The following ATOSA variants were observed in gnomAD, a reference collection of about 807,000 sequenced individuals.
ATOSA encodes the protein atos homolog A.
the ATOSA span, among the ~76,000 whole-genome samples, chr15:52,679,961 T>C: frequency 6.6e-6 from 1 of 151,084 alleles, no homozygotes; most frequent in African/African-American, 2.4e-5. Flanking sequence ...AGTGGGAGAA[T>C]TTAAGAACAG....
the ATOSA span, among the ~76,000 whole-genome samples, chr15:52,697,262 A>G: frequency 6.6e-6 from 1 of 152,136 alleles, no homozygotes; most frequent in Non-Finnish European, 1.5e-5. Flanking sequence ...CTCTTGCTTC[A>G]TCTTCAAAGA....
the ATOSA span, among the ~76,000 whole-genome samples, chr15:52,594,588 C>A: frequency 6.6e-6 from 1 of 152,182 alleles, no homozygotes; most frequent in Non-Finnish European, 1.5e-5. Context: ...CAATTCTAAT[C>A]TCCTGATCAA....
At chr15:52,605,282 T>C in the ATOSA span, 16 of 1,367,576 alleles carry the variant, frequency 1.2e-5, no homozygotes. Flanking sequence ...ATTGTAATAT[T>C]TAAATACCAT....
chr15:52,676,440 C>T, the ATOSA span, among the ~76,000 whole-genome samples: 3 of 151,834 alleles, frequency 2.0e-5, no homozygotes, highest in South Asian at 2.1e-4. Context: ...AGGGTAAGTA[C>T]GTTTGTGAAA....
the ATOSA span, chr15:52,593,343 T>C: frequency 2.3e-6 from 1 of 433,302 alleles, no homozygotes; most frequent in Non-Finnish European, 4.2e-6. Context: ...ATTTTTATCA[T>C]TTTTTCAAGA....
the ATOSA span, among the ~76,000 whole-genome samples, chr15:52,649,066 T>C: frequency 3.9e-5 from 6 of 152,180 alleles, no homozygotes; most frequent in African/African-American, 1.4e-4. Flanking sequence ...CTTAGGTCTT[T>C]GAATTTTTGA....
the ATOSA span, chr15:52,611,362 T>C: frequency 7.1e-7 from 1 of 1,405,910 alleles, no homozygotes; most frequent in Non-Finnish European, 9.6e-7. Context: ...GATTTGTGCT[T>C]TGAAGAGCAT....
chr15:52,593,787 A>AT, the ATOSA span: 120 of 1,482,842 alleles, frequency 8.1e-5, no homozygotes, highest in Admixed American at 1.1e-3. Context: ...TAACACATTC[A>AT]TTTTTTTTCT....
chr15:52,697,299 C>A, the ATOSA span, among the ~76,000 whole-genome samples: 4 of 152,038 alleles, frequency 2.6e-5, no homozygotes, highest in Non-Finnish European at 4.4e-5. Flanking sequence ...ACTGCCTTCT[C>A]AGGCCAAATG....
At chr15:52,610,957 T>C in the ATOSA span, among the ~76,000 whole-genome samples, 4 of 152,312 alleles carry the variant, frequency 2.6e-5, no homozygotes, top group South Asian at 6.2e-4. Context: ...ACAAACAAAA[T>C]TCATATTGAG....
the ATOSA span, among the ~76,000 whole-genome samples, chr15:52,661,057 C>T: frequency 1.9e-4 from 29 of 152,222 alleles, no homozygotes; most frequent in South Asian, 6.2e-4. Flanking sequence ...CACATTGAAA[C>T]TAAAGAAAAA....
chr15:52,701,375 G>A, the ATOSA span, among the ~76,000 whole-genome samples: 5 of 152,094 alleles, frequency 3.3e-5, no homozygotes, highest in Admixed American at 1.3e-4. Context: ...GGAGTTTGAG[G>A]TTGCAATGAG....
At chr15:52,601,114 G>C in the ATOSA span, 4 of 1,540,804 alleles carry the variant, frequency 2.6e-6, no homozygotes, top group South Asian at 3.7e-5. Flanking sequence ...TTCAGATGTA[G>C]TAATGAAGAA....
chr15:52,674,394 T>A, the ATOSA span, among the ~76,000 whole-genome samples: 1,122 of 152,196 alleles, frequency 7.4e-3, 15 homozygotes, highest in African/African-American at 0.025. Context: ...AGGTATTCAA[T>A]ATACACACAG....
At chr15:52,608,912 T>C in the ATOSA span, 5,252 of 1,607,634 alleles carry the variant, frequency 3.3e-3, 154 homozygotes, top group African/African-American at 0.063. Flanking sequence ...CCAAAGAATT[T>C]TGGATTATAG....
the ATOSA span, among the ~76,000 whole-genome samples, chr15:52,595,544 GAA>G: frequency 2.5e-5 from 3 of 119,086 alleles, no homozygotes; most frequent in Admixed American, 8.4e-5. Flanking sequence ...AGTATGACAA[GAA>G]AAAAAAAAAA....
chr15:52,658,963 C>G, the ATOSA span, among the ~76,000 whole-genome samples: 2 of 151,874 alleles, frequency 1.3e-5, no homozygotes. Flanking sequence ...CCAGCCTGGG[C>G]AACAGGGCAA....
At chr15:52,651,076 G>C in the ATOSA span, among the ~76,000 whole-genome samples, 29 of 152,224 alleles carry the variant, frequency 1.9e-4, no homozygotes, top group Non-Finnish European at 3.2e-4. Context: ...TATTATATTA[G>C]TACAGTTTAA....
chr15:52,614,145 G>A, the ATOSA span, among the ~76,000 whole-genome samples: 1 of 151,714 alleles, frequency 6.6e-6, no homozygotes, highest in African/African-American at 2.4e-5. Flanking sequence ...CATTCTTTTT[G>A]TCCAGGCTGG....
Sources: gnomAD v4.1 joint callset for allele counts (sites outside exome capture counted in the v4.1 genomes callset) on GRCh38, gnomAD v4.1.1 for gene constraint, MANE v1.5 for transcripts, NCBI Gene and HGNC (gene_info 2026-07-23, HGNC 2026-07-21) for gene names.